Variants in SH2D4A observed in about 807,000 individuals in gnomAD.
SH2D4A encodes SH2 domain-containing protein 4A.
SH2D4A carries 70 observed loss-of-function variants against 64.7 expected under a neutral mutation model. The ratio of observed to expected loss-of-function variants is 1.08; its 90% CI spans 0.89 to 1.32. The LOEUF is 1.32. SH2D4A is among the 40% of genes most tolerant of loss of function. SH2D4A has a pLI of 0.00. For synonymous variants in SH2D4A, 268 were observed against 200.7 expected (o/e 1.34, Z -2.83); for missense variants, 706 against 540.1 (o/e 1.31, Z -3.04).
chr8:19,332,117 C>G (rs2052371994), intron 2 of SH2D4A, among the ~76,000 whole-genome samples: 2 of 151,992 alleles, frequency 1.3e-5, no homozygotes, highest in Non-Finnish European at 2.9e-5. Context: ...ATAATAAATA[C>G]AAATAAAATA....
At chr8:19,319,133 C>CT (rs35016269) in intron 1 of SH2D4A, among the ~76,000 whole-genome samples, 11,287 of 145,008 alleles carry the variant, frequency 0.078, 424 homozygotes, top group South Asian at 0.12. Context: ...GGTTTGTTTT[C>CT]TTTTTTTTTT....
intron 7 of SH2D4A, among the ~76,000 whole-genome samples, chr8:19,371,350 G>T (rs959940198): frequency 6.6e-6 from 1 of 151,534 alleles, no homozygotes; most frequent in African/African-American, 2.4e-5. Context: ...AGTATTCTGG[G>T]TTGCATTTTT....
chr8:19,373,317 T>C (rs966835602), intron 7 of SH2D4A, among the ~76,000 whole-genome samples: 1 of 150,392 alleles, frequency 6.6e-6, no homozygotes, highest in African/African-American at 2.5e-5. Context: ...TCCCATTCTC[T>C]CTCTCCCCCC....
At chr8:19,366,732 T>C (rs888626862) in intron 7 of SH2D4A, among the ~76,000 whole-genome samples, 2 of 151,380 alleles carry the variant, frequency 1.3e-5, no homozygotes, top group Non-Finnish European at 2.9e-5. Context: ...GCGAAGGCTG[T>C]TGTGAGCCAA....
At chr8:19,341,702 G>T (rs1006183708) in intron 4 of SH2D4A, among the ~76,000 whole-genome samples, 1 of 151,996 alleles carries the variant, frequency 6.6e-6, no homozygotes, top group Admixed American at 6.6e-5. Context: ...AATTAGTCAG[G>T]CATGGTGGCA....
intron 8 of SH2D4A, among the ~76,000 whole-genome samples, chr8:19,389,177 T>C (rs893884833): frequency 3.9e-5 from 6 of 152,152 alleles, no homozygotes; most frequent in Non-Finnish European, 5.9e-5. Flanking sequence ...AAAATACCAT[T>C]GAACTGCCCT....
chr8:19,392,641 C>T (rs900050976), intron 8 of SH2D4A, among the ~76,000 whole-genome samples: 2 of 152,146 alleles, frequency 1.3e-5, no homozygotes, highest in African/African-American at 4.8e-5. Context: ...CTAACATTCC[C>T]AGGATGACCA....
chr8:19,363,999 G>A lies in SH2D4A; in HGVS notation c.707-73G>A, dbSNP rs149140125. The A allele has an allele frequency of 9.6e-4, 1,375 of 1,433,062 alleles. 12 individuals are homozygous for A. In the African/African-American group the frequency reaches 0.017, roughly 18 times the overall value. 88.8% of individuals were successfully genotyped at this position (1,433,062 alleles called of 1,614,324 possible). On this transcript the variant is annotated intron_variant, in intron 6 of 9. Transcript: ENST00000265807. ...GAGAACCTGCGCTGCTGCCCGTTGT[G>A]CAATGAATGCTGAGCCTTCTCACCT...
chr8:19,391,952 A>T (rs2153652570), intron 8 of SH2D4A, among the ~76,000 whole-genome samples: 1 of 152,336 alleles, frequency 6.6e-6, no homozygotes, highest in South Asian at 2.1e-4. Context: ...GAAATGAAAA[A>T]GGGCACGCGT....
rs780689592 is a variant in SH2D4A, at chr8:19,394,539, C to CTGAT, written c.1273-7_1273-4dup. Reference sequence around the variant, plus strand: ...CTTACACTATCTGACCCCGTGCCTTCTGATTGACAGGAGGAACCCATCACT... The same window carrying CTGAT: ...CTTACACTATCTGACCCCGTGCCTTCTGATTGATTGACAGGAGGAACCCATCACT... On this transcript the variant is annotated splice_polypyrimidine_tract_variant and intron_variant, in intron 9 of 9. Coordinates refer to ENST00000265807, the MANE Select transcript of SH2D4A (RefSeq NM_022071.4). 12 of 1,596,858 alleles carry CTGAT rather than the reference C, an allele frequency of 7.5e-6. No individual in the cohort carries two copies. The highest frequency in any genetic ancestry group is 1.0e-5 in the Non-Finnish European group (12 of 1,169,250).
chr8:19,343,441 A>C (rs2052559251), intron 4 of SH2D4A, among the ~76,000 whole-genome samples: 1 of 152,160 alleles, frequency 6.6e-6, no homozygotes, highest in Non-Finnish European at 1.5e-5. Context: ...TCCAACAAAC[A>C]AAAACTGGGA....
At chr8:19,365,984 G>C (rs1366110872) in intron 7 of SH2D4A, among the ~76,000 whole-genome samples, 3 of 152,050 alleles carry the variant, frequency 2.0e-5, no homozygotes, top group Admixed American at 1.3e-4. Flanking sequence ...AAAATCATTA[G>C]GGATAATATA....
At chr8:19,328,853 C>T (rs1027446257) in intron 2 of SH2D4A, among the ~76,000 whole-genome samples, 1 of 152,228 alleles carries the variant, frequency 6.6e-6, no homozygotes, top group Admixed American at 6.5e-5. Flanking sequence ...GGCTTGGAGA[C>T]ATAAATTGAT....
chr8:19,351,812 C>A (rs945207750), intron 4 of SH2D4A, among the ~76,000 whole-genome samples: 1 of 152,066 alleles, frequency 6.6e-6, no homozygotes, highest in African/African-American at 2.4e-5. Context: ...GAGATGGAGT[C>A]TTGCTCTGTC....
chr8:19,361,641 C>T (rs2052890352), intron 6 of SH2D4A, among the ~76,000 whole-genome samples: 1 of 152,056 alleles, frequency 6.6e-6, no homozygotes, highest in African/African-American at 2.4e-5. Context: ...GAAGAAAAAA[C>T]ACCATGAAAT....
intron 1 of SH2D4A, among the ~76,000 whole-genome samples, chr8:19,318,741 A>T (rs2052132477): frequency 6.6e-6 from 1 of 152,206 alleles, no homozygotes; most frequent in African/African-American, 2.4e-5. Context: ...CTAGTAGGTT[A>T]TCTGGAAATT....
intron 5 of SH2D4A, among the ~76,000 whole-genome samples, chr8:19,359,013 C>T (rs1462906620): frequency 6.6e-6 from 1 of 152,196 alleles, no homozygotes; most frequent in Non-Finnish European, 1.5e-5. Context: ...GAGTCCTGGT[C>T]CAACATGCTT....
intron 2 of SH2D4A, among the ~76,000 whole-genome samples, chr8:19,327,160 C>T (rs923310392): frequency 1.3e-5 from 2 of 152,116 alleles, no homozygotes; most frequent in South Asian, 2.1e-4. Context: ...AGGACTGACC[C>T]GCCTTTCTAG....
At chr8:19,353,884 G>A (rs964226903) in intron 4 of SH2D4A, among the ~76,000 whole-genome samples, 4 of 151,808 alleles carry the variant, frequency 2.6e-5, no homozygotes, top group Non-Finnish European at 5.9e-5. Flanking sequence ...TTTTATAAAT[G>A]TGGTTCTTAG....
Sources: gnomAD v4.1 joint callset for allele counts (sites outside exome capture counted in the v4.1 genomes callset) on GRCh38, gnomAD v4.1.1 for gene constraint, MANE v1.5 for transcripts, NCBI Gene and HGNC (gene_info 2026-07-23, HGNC 2026-07-21) for gene names.